Variants in CCDC60 observed in about 807,000 individuals in gnomAD.
CCDC60 encodes coiled-coil domain containing 60.
A neutral mutation model predicts 63.5 loss-of-function variants in CCDC60; 54 were observed. The ratio of observed to expected loss-of-function variants is 0.85; its 90% CI spans 0.68 to 1.07. The LOEUF is 1.07. CCDC60 is among the 50% of genes least tolerant of loss of function. The pLI, the probability that CCDC60 is intolerant of heterozygous loss-of-function variation, is 0.00. For synonymous variants in CCDC60, 206 were observed against 238.8 expected (o/e 0.86, Z 1.27); for missense variants, 651 against 684.3 (o/e 0.95, Z 0.54).
At chr12:119,366,120 C>T (rs1955837668) in intron 1 of CCDC60, among the ~76,000 whole-genome samples, 1 of 152,098 alleles carries the variant, frequency 6.6e-6, no homozygotes, top group Non-Finnish European at 1.5e-5. Context: ...CTCATTTCAC[C>T]CTCAAACAAC....
chr12:119,376,296 T>C (rs1955949872), intron 1 of CCDC60, among the ~76,000 whole-genome samples: 1 of 152,166 alleles, frequency 6.6e-6, no homozygotes, highest in Admixed American at 6.5e-5. Context: ...TCCTGTCCTA[T>C]CTTTCCAGGA....
chr12:119,345,982 A>AT (rs768961316), intron 1 of CCDC60, among the ~76,000 whole-genome samples: 4,691 of 118,646 alleles, frequency 0.04, 134 homozygotes, highest in African/African-American at 0.048. Context: ...TACCCAGCTG[A>AT]TTTTTTTTTT....
chr12:119,480,339 T>G (rs2136347668), intron 4 of CCDC60, among the ~76,000 whole-genome samples: 1 of 152,288 alleles, frequency 6.6e-6, no homozygotes, highest in South Asian at 2.1e-4. Flanking sequence ...GTCAGGTCGG[T>G]CTGACTGCAA....
rs546851734 is a variant in CCDC60 at position 119,391,338 on chromosome 12, G to A, written c.91-37345G>A. ...TTTCAGGACTTATAGAGGACATTCT[G>A]AGCTGCAGATCCTGAGGACTTCAAC... On this transcript the variant is annotated intron_variant, in intron 1 of 13. Transcript: ENST00000327554. Among the ~76,000 whole-genome samples the A allele has an allele frequency of 1.0e-3, 156 of 152,344 alleles. 1 individual carries two copies. Among genetic ancestry groups the A allele is most frequent in the African/African-American group, 3.6e-3 (151 of 41,582 alleles).
chr12:119,354,331 G>A (rs1016161952), intron 1 of CCDC60, among the ~76,000 whole-genome samples: 11 of 152,196 alleles, frequency 7.2e-5, no homozygotes, highest in African/African-American at 1.9e-4. Context: ...TCCTTGTTTC[G>A]TTAATGTGCT....
intron 2 of CCDC60, among the ~76,000 whole-genome samples, chr12:119,461,314 A>C (rs1950853047): frequency 6.6e-6 from 1 of 152,164 alleles, no homozygotes; most frequent in South Asian, 2.1e-4. Flanking sequence ...AGGGGTTGTG[A>C]TTCAGAGAGG....
intron 7 of CCDC60, among the ~76,000 whole-genome samples, chr12:119,507,575 T>C (rs1209915689): frequency 2.6e-5 from 1 of 38,888 alleles, no homozygotes; most frequent in Non-Finnish European, 3.8e-5. Flanking sequence ...TATATGTATA[T>C]ATACACATAT....
chr12:119,534,730 A>G (rs1067155), intron 13 of CCDC60, among the ~76,000 whole-genome samples: 49,788 of 151,942 alleles, frequency 0.33, 8,486 homozygotes, highest in African/African-American at 0.44. Flanking sequence ...ATTGATTTGC[A>G]TATGTTGAAC....
chr12:119,446,558 G>T (rs1466600216), intron 2 of CCDC60, among the ~76,000 whole-genome samples: 1 of 152,158 alleles, frequency 6.6e-6, no homozygotes, highest in Admixed American at 6.5e-5. Context: ...GGATGGGGAG[G>T]TTACAGAAGG....
intron 1 of CCDC60, among the ~76,000 whole-genome samples, chr12:119,356,907 A>G (rs565578320): frequency 6.6e-6 from 1 of 152,340 alleles, no homozygotes; most frequent in Non-Finnish European, 1.5e-5. Flanking sequence ...AATTTTATTA[A>G]AGTATAACAT....
intron 1 of CCDC60, among the ~76,000 whole-genome samples, chr12:119,346,412 A>C (rs1955593315): frequency 6.6e-6 from 1 of 152,172 alleles, no homozygotes; most frequent in Non-Finnish European, 1.5e-5. Context: ...GAGACACCAG[A>C]GAAGCAGGTG....
rs147670845 is a variant in CCDC60, at chr12:119,537,572, G to A, written c.1552-3042G>A. ...TTTTATCTACCTTTGGTCTTTGTTG[G>A]TGGTGACCTACAGATGGGGTTTTGG... On this transcript the variant is annotated intron_variant, in intron 13 of 13. Transcript: ENST00000327554. 1.3e-4 allele frequency among the ~76,000 whole-genome samples: 20 copies of A among 152,238 alleles called. No homozygotes were observed. The East Asian group carries it at 3.1e-3, about 23-fold the overall frequency.
chr12:119,371,281 G>A (rs866638816), intron 1 of CCDC60, among the ~76,000 whole-genome samples: 4 of 152,278 alleles, frequency 2.6e-5, no homozygotes, highest in Middle Eastern at 3.4e-3. Flanking sequence ...GCAAGACACT[G>A]CCCCCACCCC....
Position 119,418,411 on chromosome 12 carries a change from T to C in CCDC60, c.91-10272T>C, listed in dbSNP as rs1593058848. ...CTTTTTTTTTTTTTTTTTTTTTTTT[T>C]TTTTTTTTTTTTTTTTTTTTTGAGA... On this transcript the variant is annotated intron_variant, in intron 1 of 13. Transcript: ENST00000327554. 8.5e-4 allele frequency among the ~76,000 whole-genome samples: 50 copies of C among 58,906 alleles called. 2 individuals carry two copies. The highest frequency in any genetic ancestry group is 7.2e-3 in the Middle Eastern group (1 of 138). 38.6% of individuals were successfully genotyped at this position (58,906 alleles called of 152,430 possible).
chr12:119,371,023 C>T (rs1161880828), intron 1 of CCDC60, among the ~76,000 whole-genome samples: 2 of 152,120 alleles, frequency 1.3e-5, no homozygotes, highest in East Asian at 3.9e-4. Flanking sequence ...CAAAGTGAGA[C>T]ACTGTCTCTA....
At chr12:119,462,607 C>T (rs990938881) in intron 2 of CCDC60, among the ~76,000 whole-genome samples, 9 of 151,930 alleles carry the variant, frequency 5.9e-5, no homozygotes, top group Admixed American at 1.3e-4. Context: ...AGGTAAATGA[C>T]CGAGATGCAG....
chr12:119,440,697 G>C (rs1040380057), intron 2 of CCDC60, among the ~76,000 whole-genome samples: 3 of 152,176 alleles, frequency 2.0e-5, no homozygotes, highest in African/African-American at 7.2e-5. Flanking sequence ...CTGTGAGGGA[G>C]TGGGAATACA....
intron 1 of CCDC60, among the ~76,000 whole-genome samples, chr12:119,358,429 C>T (rs563342572): frequency 6.6e-6 from 1 of 152,300 alleles, no homozygotes; most frequent in African/African-American, 2.4e-5. Context: ...AAGGTTCCCA[C>T]AAGATGCCAC....
chr12:119,363,058 G>T, intron 1 of CCDC60, among the ~76,000 whole-genome samples: 1 of 152,278 alleles, frequency 6.6e-6, no homozygotes, highest in South Asian at 2.1e-4. Flanking sequence ...AGACTGCACC[G>T]CTGCACCCCA....
Sources: gnomAD v4.1 joint callset for allele counts (sites outside exome capture counted in the v4.1 genomes callset) on GRCh38, gnomAD v4.1.1 for gene constraint, MANE v1.5 for transcripts, NCBI Gene and HGNC (gene_info 2026-07-23, HGNC 2026-07-21) for gene names.